ZNF536: variants seen among roughly 807,000 people sequenced by gnomAD.
The protein encoded by ZNF536 is zinc finger protein 536.
ZNF536 carries 13 observed loss-of-function variants against 84.5 expected under a neutral mutation model. The ratio of observed to expected loss-of-function variants is 0.15; its 90% CI spans 0.10 to 0.24. The LOEUF is 0.24. ZNF536 is among the 10% of genes least tolerant of loss of function. ZNF536 has a pLI of 1.00. For synonymous variants in ZNF536, 811 were observed against 742.5 expected, an observed-to-expected ratio of 1.09 and a Z score of -1.50; for missense variants, 1,536 against 1,747.5, an observed-to-expected ratio of 0.88 and a Z score of 2.16.
intron 1 of ZNF536, among the ~76,000 whole-genome samples, chr19:30,581,331 G>A (rs1056747113): frequency 3.1e-4 from 47 of 152,082 alleles, no homozygotes; most frequent in African/African-American, 1.1e-3. Flanking sequence ...ACAAAAATTA[G>A]CTGGGCATGG....
At chr19:30,226,181 C>T, upstream of ZNF536, among the ~76,000 whole-genome samples, 1 of 151,146 alleles carries the variant, frequency 6.6e-6, no homozygotes, top group Non-Finnish European at 1.5e-5. The surrounding 1 kb of genome is among the most constrained non-coding windows in gnomAD (Gnocchi z 4.6). Flanking sequence ...GGCCCGCGAG[C>T]CACTCTCAGG....
At chr19:30,463,119 A>T (rs557411415) in intron 2 of ZNF536, among the ~76,000 whole-genome samples, 1 of 152,044 alleles carries the variant, frequency 6.6e-6, no homozygotes, top group Non-Finnish European at 1.5e-5. Flanking sequence ...GTGTATCTGT[A>T]TGCATTTGCC....
chr19:30,570,097 G>A (rs1599842839), intron 1 of ZNF536, among the ~76,000 whole-genome samples: 1 of 152,314 alleles, frequency 6.6e-6, no homozygotes, highest in East Asian at 1.9e-4. Flanking sequence ...GATATCAGTA[G>A]CAATAGTGCC....
chr19:30,424,081 C>T (rs1272560353), intron 1 of ZNF536, among the ~76,000 whole-genome samples: 3 of 152,224 alleles, frequency 2.0e-5, no homozygotes, highest in Non-Finnish European at 4.4e-5. Flanking sequence ...TGAAGCTCAG[C>T]TGATGCTGGC....
intron 2 of ZNF536, among the ~76,000 whole-genome samples, chr19:30,300,174 C>G (rs1439237121): frequency 6.6e-6 from 1 of 152,148 alleles, no homozygotes; most frequent in African/African-American, 2.4e-5. Context: ...ATTGCAGATG[C>G]CAAGAGCAGG....
intron 1 of ZNF536, among the ~76,000 whole-genome samples, chr19:30,277,514 G>T (rs2045278725): frequency 6.6e-6 from 1 of 152,184 alleles, no homozygotes; most frequent in Admixed American, 6.5e-5. Flanking sequence ...TGAAAGAAGA[G>T]GCTTCCTTTG....
At chr19:30,575,080 T>C (rs2146596508) in intron 1 of ZNF536, among the ~76,000 whole-genome samples, 1 of 152,276 alleles carries the variant, frequency 6.6e-6, no homozygotes, top group South Asian at 2.1e-4. Context: ...GATTACTGAG[T>C]TGTCAGGAAA....
intron 4 of ZNF536, chr19:30,554,615 A>G (rs1384536700): frequency 6.6e-6 from 1 of 152,180 alleles, no homozygotes; most frequent in Non-Finnish European, 1.5e-5. Context: ...ATTTTCTTAA[A>G]GGGCCAGAGA....
At chr19:30,357,185 G>A (rs2048123453) in intron 3 of ZNF536, among the ~76,000 whole-genome samples, 1 of 152,254 alleles carries the variant, frequency 6.6e-6, no homozygotes, top group Non-Finnish European at 1.5e-5. Context: ...CTGTACTTGA[G>A]AGAGGGTAGG....
intron 1 of ZNF536, among the ~76,000 whole-genome samples, chr19:30,634,547 G>T (rs926307446): frequency 6.6e-6 from 1 of 152,074 alleles, no homozygotes; most frequent in Non-Finnish European, 1.5e-5. Flanking sequence ...ACCCCTGGTC[G>T]GAGCAGTCCC....
intron 1 of ZNF536, among the ~76,000 whole-genome samples, chr19:30,708,713 G>T (rs2052346264): frequency 6.6e-6 from 1 of 152,184 alleles, no homozygotes; most frequent in Non-Finnish European, 1.5e-5. Flanking sequence ...GAACAAAGAG[G>T]CAGTGAACTC....
intron 1 of ZNF536, among the ~76,000 whole-genome samples, chr19:30,373,736 A>T (rs972645438): frequency 6.6e-6 from 1 of 152,254 alleles, no homozygotes; most frequent in South Asian, 2.1e-4. Flanking sequence ...CTCTGGGAGC[A>T]GCTGGAGAGA....
intron 2 of ZNF536, among the ~76,000 whole-genome samples, chr19:30,309,962 G>A (rs1488952861): frequency 6.6e-6 from 1 of 152,066 alleles, no homozygotes; most frequent in Admixed American, 6.5e-5. Flanking sequence ...GGAGGGGCAG[G>A]GACAAGTGGG....
At chr19:30,519,223 G>T (rs79786906) in intron 2 of ZNF536, among the ~76,000 whole-genome samples, 3 of 152,210 alleles carry the variant, frequency 2.0e-5, no homozygotes, top group African/African-American at 7.2e-5. Flanking sequence ...GCCCAGCTCT[G>T]GGGTGGGGCT....
intron 2 of ZNF536, among the ~76,000 whole-genome samples, chr19:30,507,306 C>T (rs1275545185): frequency 3.3e-5 from 5 of 151,500 alleles, no homozygotes; most frequent in Admixed American, 3.3e-4. Flanking sequence ...AGCCGAGATC[C>T]CACCACTGCA....
chr19:30,464,176 G>A (rs898767720), intron 2 of ZNF536, among the ~76,000 whole-genome samples: 27 of 152,104 alleles, frequency 1.8e-4, no homozygotes, highest in African/African-American at 6.0e-4. Context: ...TGATCACATC[G>A]CTGCTTACGG....
chr19:30,453,479 C>T (rs924603101), intron 2 of ZNF536, among the ~76,000 whole-genome samples: 1 of 152,188 alleles, frequency 6.6e-6, no homozygotes, highest in African/African-American at 2.4e-5. Flanking sequence ...GATGGGGTGG[C>T]GCCAGCCGGG....
At chr19:30,662,615 C>A (rs187910134) in intron 1 of ZNF536, among the ~76,000 whole-genome samples, 40 of 151,750 alleles carry the variant, frequency 2.6e-4, no homozygotes, top group Middle Eastern at 3.4e-3. Flanking sequence ...TACGATAATA[C>A]CTGGTGGTGA....
At chr19:30,494,319 G>A (rs183735181) in intron 2 of ZNF536, among the ~76,000 whole-genome samples, 16 of 152,306 alleles carry the variant, frequency 1.1e-4, no homozygotes, top group Non-Finnish European at 1.9e-4. Flanking sequence ...TTTGCACTAC[G>A]GGAACAGCTA....
Sources: allele counts gnomAD v4.1 joint callset (sites outside exome capture counted in the v4.1 genomes callset), GRCh38; gene constraint gnomAD v4.1.1; non-coding constraint Gnocchi (gnomAD v3.1); transcripts MANE v1.5; gene names NCBI Gene and HGNC (gene_info 2026-07-23, HGNC 2026-07-21).